ULK4: variants seen among roughly 807,000 people sequenced by gnomAD.
ULK4 encodes unc-51 like kinase 4, also known as inactive serine/threonine-protein kinase ULK4.
Under a neutral mutation model 160.6 loss-of-function variants are expected in ULK4, and 133 were observed. That is an observed-to-expected ratio of 0.83 (90% CI 0.72 to 0.96). The LOEUF (loss-of-function observed/expected upper bound fraction) is 0.96, where lower values mean the gene tolerates loss of function less well. Among genes scored for constraint, ULK4 ranks in the 40% least tolerant of loss-of-function variants. ULK4 has a pLI of 0.00. For missense variants in ULK4, 1,580 were observed against 1,499.5 expected, an observed-to-expected ratio of 1.05 and a Z score of -0.89; for synonymous variants, 534 against 539.8, an observed-to-expected ratio of 0.99 and a Z score of 0.15.
chr3:41,835,919 A>T lies in ULK4; in HGVS notation c.1709T>A (p.Leu570Ter). The change falls in exon 18 of 37, where the codon TTA becomes TAA. Residue 570 changes from leucine to a stop codon, truncating the protein, a stop_gained. Transcript: ENST00000301831. LOFTEE classifies it high-confidence loss of function. ...AAGGGTTGGTAAAAGGCACTGTTTT[A>T]ATTTGCTGTTCCTGAAGTTTTCCCT... is the stretch of plus-strand genomic sequence containing the variant. ...LIRENFRNSK[L>*]KQCLLPTLGE... The T allele has an allele frequency of 6.2e-7, 1 of 1,613,522 alleles. No individual in the cohort carries two copies. The highest frequency in any genetic ancestry group is 8.5e-7 in the Non-Finnish European group (1 of 1,179,806).
At chr3:41,931,777 C>G (rs768590986) in intron 5 of ULK4, 67 bp downstream of exon 5, 37 of 1,563,600 alleles carry the variant, frequency 2.4e-5, no homozygotes, top group Non-Finnish European at 2.8e-5. Context: ...GACATTGTCT[C>G]CTAAACACAG....
At chr3:41,791,284 G>A (rs567726590) in intron 20 of ULK4, among the ~76,000 whole-genome samples, 2 of 152,132 alleles carry the variant, frequency 1.3e-5, no homozygotes, top group African/African-American at 2.4e-5. Context: ...ATGAGCCACC[G>A]CATCTGGCCT....
chr3:41,806,999 A>C (rs975674074), intron 19 of ULK4, among the ~76,000 whole-genome samples: 4 of 151,954 alleles, frequency 2.6e-5, no homozygotes, highest in African/African-American at 9.7e-5. Context: ...AGCATGGTAC[A>C]CGCCTATAGT....
chr3:41,907,981 C>G (rs746289930), intron 11 of ULK4, 40 bp from the exon 12 acceptor site: 4 of 1,445,048 alleles, frequency 2.8e-6, no homozygotes, highest in Admixed American at 4.3e-5. Flanking sequence ...CAATTCCAGA[C>G]AGTTTATTCT....
At chr3:41,902,182 CA>C (rs1371634417) in intron 12 of ULK4, among the ~76,000 whole-genome samples, 5 of 152,078 alleles carry the variant, frequency 3.3e-5, no homozygotes, top group East Asian at 1.9e-4. Context: ...ATAAATTACC[CA>C]AAACTGAGTG....
intron 12 of ULK4, among the ~76,000 whole-genome samples, chr3:41,901,357 T>G (rs1698353047): frequency 6.6e-6 from 1 of 151,418 alleles, no homozygotes; most frequent in Admixed American, 6.6e-5. Context: ...TTTTTTTGTA[T>G]TTTTAGTAGA....
intron 30 of ULK4, among the ~76,000 whole-genome samples, chr3:41,642,793 T>C (rs969083624): frequency 2.6e-5 from 4 of 152,244 alleles, no homozygotes; most frequent in African/African-American, 9.6e-5. Context: ...TGAACTGGTT[T>C]ACAGTCCCAC....
At chr3:41,601,239 C>G in intron 31 of ULK4, among the ~76,000 whole-genome samples, 2 of 152,144 alleles carry the variant, frequency 1.3e-5, no homozygotes, top group East Asian at 3.9e-4. Flanking sequence ...TAATCCTACT[C>G]TAATACATAA....
chr3:41,580,817 A>G (rs963025547), intron 31 of ULK4, among the ~76,000 whole-genome samples: 3 of 152,182 alleles, frequency 2.0e-5, no homozygotes, highest in African/African-American at 7.2e-5. Context: ...TGAAGACTCA[A>G]GCTAACCTCC....
At chr3:41,688,400 T>C (rs1255160119) in intron 27 of ULK4, among the ~76,000 whole-genome samples, 5 of 152,060 alleles carry the variant, frequency 3.3e-5, no homozygotes, top group Non-Finnish European at 7.4e-5. Flanking sequence ...AAAAAATGAA[T>C]AAACAAACAA....
chr3:41,886,431 T>G (rs2148774078), intron 16 of ULK4, among the ~76,000 whole-genome samples: 1 of 152,070 alleles, frequency 6.6e-6, no homozygotes, highest in Admixed American at 6.5e-5. Context: ...AGAAAAAAAG[T>G]GCATAAAAGT....
At chr3:41,638,916 G>A (rs1457870344) in intron 30 of ULK4, among the ~76,000 whole-genome samples, 3 of 152,114 alleles carry the variant, frequency 2.0e-5, no homozygotes, top group Non-Finnish European at 2.9e-5. Flanking sequence ...ATTAAGGGAG[G>A]ATAACATCAA....
intron 17 of ULK4, among the ~76,000 whole-genome samples, chr3:41,880,403 A>T (rs80315943): frequency 0.014 from 2,096 of 152,312 alleles, 43 homozygotes; most frequent in African/African-American, 0.048. Context: ...TGTTGATGAC[A>T]GAATAAGATG....
chr3:41,498,576 CTT>C lies in ULK4; in HGVS notation c.3227-35325_3227-35324del, dbSNP rs56321420. 6.6e-3 allele frequency among the ~76,000 whole-genome samples: 948 copies of C among 144,132 alleles called. 5 individuals carry two copies. Among genetic ancestry groups the C allele is most frequent in the African/African-American group, 0.013 (513 of 39,066 alleles). 94.6% of individuals were successfully genotyped at this position (144,132 alleles called of 152,430 possible). ...CATTAGAGAGCTTCTTCTTTTTTTTCTTTTTTTTTTTTTTGCTTTGTTTTTTG... is the reference window on the plus strand; with the variant it reads ...CATTAGAGAGCTTCTTCTTTTTTTTCTTTTTTTTTTTTGCTTTGTTTTTTG... On this transcript the variant is annotated intron_variant, in intron 32 of 36. Transcript: ENST00000301831.
At chr3:41,628,208 C>A (rs756448190) in intron 30 of ULK4, among the ~76,000 whole-genome samples, 4 of 152,092 alleles carry the variant, frequency 2.6e-5, no homozygotes, top group Non-Finnish European at 5.9e-5. Flanking sequence ...CTACAGAAAT[C>A]TGAAAGATAG....
chr3:41,562,198 T>C (rs2087607591), intron 32 of ULK4, among the ~76,000 whole-genome samples: 1 of 152,258 alleles, frequency 6.6e-6, no homozygotes, highest in Admixed American at 6.5e-5. Context: ...TCCTGAGTTC[T>C]AATTTGATTG....
intron 32 of ULK4, among the ~76,000 whole-genome samples, chr3:41,501,900 A>G (rs750809072): frequency 6.6e-6 from 1 of 152,072 alleles, no homozygotes; most frequent in African/African-American, 2.4e-5. Flanking sequence ...GTTTGCTTCT[A>G]TGAGTTTGAC....
chr3:41,937,696 C>A (rs1699824902), intron 3 of ULK4, among the ~76,000 whole-genome samples: 2 of 152,102 alleles, frequency 1.3e-5, no homozygotes, highest in South Asian at 4.1e-4. Flanking sequence ...GTTGGTTCAT[C>A]TTTGTACTTT....
intron 35 of ULK4, among the ~76,000 whole-genome samples, chr3:41,294,705 T>C (rs1173413632): frequency 6.6e-6 from 1 of 152,050 alleles, no homozygotes; most frequent in Non-Finnish European, 1.5e-5. Flanking sequence ...TTCGACATTG[T>C]CCTAAAAAGT....
Sources: allele counts gnomAD v4.1 joint callset (sites outside exome capture counted in the v4.1 genomes callset), GRCh38; gene constraint gnomAD v4.1.1; transcripts MANE v1.5; gene names NCBI Gene and HGNC (gene_info 2026-07-23, HGNC 2026-07-21).